Variants in SNTG1 observed in about 807,000 individuals in gnomAD.
SNTG1 encodes syntrophin gamma 1.
Under a neutral mutation model 74.7 loss-of-function variants are expected in SNTG1, and 39 were observed. The observed-to-expected ratio is 0.52, with a 90% CI of 0.40 to 0.68. SNTG1 has a LOEUF of 0.68. SNTG1 is among the 30% of genes least tolerant of loss of function. SNTG1 has a pLI of 0.00. For missense variants in SNTG1, 685 were observed against 609.5 expected, an observed-to-expected ratio of 1.12 and a Z score of -1.30; for synonymous variants, 254 against 217.1, an observed-to-expected ratio of 1.17 and a Z score of -1.49.
In SNTG1 at chr8:50,507,010, G is replaced by T. The variant is rs557747573; in HGVS notation, c.466+4130G>T. ...TCCTTCTATTCCTAGTTTGTAAAAT[G>T]TATTATGTTTTAAATTGTGAAAATA... On this transcript the variant is annotated intron_variant, in intron 9 of 18. Transcript: ENST00000642720. Among the ~76,000 whole-genome samples the T allele has an allele frequency of 7.2e-5, 11 of 152,086 alleles. No homozygotes were observed. In the South Asian group the frequency reaches 2.3e-3, roughly 32 times the overall value.
chr8:50,092,727 T>C (rs1420848913), intron 1 of SNTG1, among the ~76,000 whole-genome samples: 1 of 152,182 alleles, frequency 6.6e-6, no homozygotes, highest in East Asian at 1.9e-4. Flanking sequence ...TTGAATCACA[T>C]CTTAGCATTT....
chr8:50,273,076 TAAG>T (rs2087877561), intron 2 of SNTG1, among the ~76,000 whole-genome samples: 1 of 152,124 alleles, frequency 6.6e-6, no homozygotes, highest in South Asian at 2.1e-4. Context: ...TAATTACAAA[TAAG>T]AAATAGTTAT....
chr8:50,734,752 G>C (rs553410780), intron 17 of SNTG1, among the ~76,000 whole-genome samples: 6 of 72,018 alleles, frequency 8.3e-5, no homozygotes, highest in Non-Finnish European at 1.2e-4. Context: ...CATGTATATA[G>C]ATATCTATAT....
intron 17 of SNTG1, among the ~76,000 whole-genome samples, chr8:50,710,069 C>A (rs183885321): frequency 2.0e-5 from 3 of 152,052 alleles, no homozygotes; most frequent in Non-Finnish European, 4.4e-5. Context: ...GGTAGGATGC[C>A]GCCCTGTGTT....
At chr8:50,086,568 T>C (rs1473892164) in intron 1 of SNTG1, among the ~76,000 whole-genome samples, 1 of 151,960 alleles carries the variant, frequency 6.6e-6, no homozygotes, top group Non-Finnish European at 1.5e-5. Flanking sequence ...TTTATAGAGA[T>C]AGGAAATACC....
rs368301631 is a variant in SNTG1 at position 49,964,317 on chromosome 8, A to G, written c.-103+52086A>G. ...GCCTTCAGGCTTGAGCTGCAGTGTC[A>G]TCTCTGCCCTGGGTCTGCAACTAGC... is the stretch of plus-strand genomic sequence containing the variant. On this transcript the variant is annotated intron_variant, in intron 1 of 18. Transcript: ENST00000642720. Among the ~76,000 whole-genome samples, 25 of 152,306 alleles carry G rather than the reference A, an allele frequency of 1.6e-4. No homozygotes were observed. The East Asian group carries it at 3.9e-3, about 24-fold the overall frequency.
At chr8:50,232,831 A>G (rs2085697739) in intron 2 of SNTG1, among the ~76,000 whole-genome samples, 1 of 151,614 alleles carries the variant, frequency 6.6e-6, no homozygotes, top group Non-Finnish European at 1.5e-5. Context: ...ATTACTTACA[A>G]TTGCTCAAAA....
chr8:50,043,145 G>T (rs1818786385), intron 1 of SNTG1, among the ~76,000 whole-genome samples: 1 of 152,038 alleles, frequency 6.6e-6, no homozygotes, highest in Non-Finnish European at 1.5e-5. Flanking sequence ...ACTTTAAGAT[G>T]CAAAATAATC....
chr8:50,369,610 A>G lies in SNTG1; in HGVS notation c.-27-24602A>G, dbSNP rs934668106. Among the ~76,000 whole-genome samples, 10 of 151,926 alleles carry G rather than the reference A, an allele frequency of 6.6e-5. No individual in the cohort carries two copies. In the East Asian group the frequency reaches 1.7e-3, roughly 26 times the overall value. ...AAACTCCGTCCCAAAAAGAAAAAAA[A>G]AAAAGAAAAGAAACAGAAACCAGAG... is the stretch of plus-strand genomic sequence containing the variant. On this transcript the variant is annotated intron_variant, in intron 2 of 18. Transcript: ENST00000642720.
At chr8:50,066,847 T>C (rs1297518823) in intron 1 of SNTG1, among the ~76,000 whole-genome samples, 1 of 152,180 alleles carries the variant, frequency 6.6e-6, no homozygotes, top group Non-Finnish European at 1.5e-5. Flanking sequence ...CAGTGGTTTC[T>C]AACACCTACT....
chr8:50,193,763 A>G lies in SNTG1; in HGVS notation c.-28+21128A>G, dbSNP rs1210594273. Among the ~76,000 whole-genome samples, 3 of 152,122 alleles carry G rather than the reference A, an allele frequency of 2.0e-5. No individual in the cohort carries two copies. The East Asian group carries it at 5.8e-4, about 29-fold the overall frequency. ...TGTTTTGTTCCAGTTCTCAGAGGGA[A>G]TGCTTTCAACATTTCCCCATTCAGT... On this transcript the variant is annotated intron_variant, in intron 2 of 18. Coordinates refer to ENST00000642720, the MANE Select transcript of SNTG1 (RefSeq NM_018967.5).
chr8:50,253,156 A>G (rs1004075382), intron 2 of SNTG1, among the ~76,000 whole-genome samples: 2 of 152,146 alleles, frequency 1.3e-5, no homozygotes, highest in African/African-American at 4.8e-5. Flanking sequence ...GCCATGCTCA[A>G]TGGCTCACTG....
chr8:50,584,990 A>G (rs1341350516), intron 12 of SNTG1, among the ~76,000 whole-genome samples: 1 of 152,158 alleles, frequency 6.6e-6, no homozygotes, highest in Non-Finnish European at 1.5e-5. Context: ...GCCTGAGGCC[A>G]GTATTTGGGA....
intron 4 of SNTG1, among the ~76,000 whole-genome samples, chr8:50,410,589 T>C (rs2131392985): frequency 6.6e-6 from 1 of 152,280 alleles, no homozygotes; most frequent in Non-Finnish European, 1.5e-5. Flanking sequence ...ATCTATCACC[T>C]CCCCTGCTAT....
intron 2 of SNTG1, among the ~76,000 whole-genome samples, chr8:50,359,938 C>T (rs1477476904): frequency 6.6e-6 from 1 of 151,890 alleles, no homozygotes; most frequent in Non-Finnish European, 1.5e-5. Flanking sequence ...ATTTTTCTAA[C>T]CACATTAGTG....
intron 13 of SNTG1, among the ~76,000 whole-genome samples, chr8:50,616,582 G>A (rs1040441586): frequency 3.9e-5 from 6 of 152,134 alleles, no homozygotes; most frequent in Non-Finnish European, 5.9e-5. Flanking sequence ...AATAGGACAT[G>A]GATGAGAACA....
intron 2 of SNTG1, among the ~76,000 whole-genome samples, chr8:50,392,205 G>C (rs1429570016): frequency 6.6e-6 from 1 of 152,172 alleles, no homozygotes; most frequent in Non-Finnish European, 1.5e-5. Context: ...TGGAAGTGGA[G>C]AACTGTCAGA....
intron 2 of SNTG1, among the ~76,000 whole-genome samples, chr8:50,213,499 G>GA (rs2084622899): frequency 6.6e-6 from 1 of 151,860 alleles, no homozygotes. Flanking sequence ...AAAATTTTGG[G>GA]AAAAATAAAT....
intron 18 of SNTG1, among the ~76,000 whole-genome samples, chr8:50,758,789 G>A (rs755289703): frequency 6.6e-6 from 1 of 151,998 alleles, no homozygotes; most frequent in East Asian, 1.9e-4. Context: ...ACATATGTGG[G>A]CATGTGTCTT....
Sources: allele counts gnomAD v4.1 joint callset (sites outside exome capture counted in the v4.1 genomes callset), GRCh38; gene constraint gnomAD v4.1.1; transcripts MANE v1.5; gene names NCBI Gene and HGNC (gene_info 2026-07-23, HGNC 2026-07-21).